NAALADL2: variants seen among roughly 807,000 people sequenced by gnomAD.
NAALADL2 encodes N-acetylated alpha-linked acidic dipeptidase like 2.
NAALADL2 carries 76 observed loss-of-function variants against 87.2 expected under a neutral mutation model. The observed-to-expected ratio is 0.87, with a 90% confidence interval of 0.72 to 1.05. The LOEUF (loss-of-function observed/expected upper bound fraction) is 1.05. Ranked by LOEUF, NAALADL2 falls within the 50% of genes least tolerant of loss-of-function variation. The pLI, the probability that NAALADL2 is intolerant of heterozygous loss-of-function variation, is 0.00. For missense variants in NAALADL2, 1,089 were observed against 945.8 expected (o/e 1.15, Z -1.99); for synonymous variants, 354 against 331.0 (o/e 1.07, Z -0.75).
At chr3:174,587,256 C>A (rs1285408875) in intron 2 of NAALADL2, among the ~76,000 whole-genome samples, 2 of 152,046 alleles carry the variant, frequency 1.3e-5, no homozygotes, top group African/African-American at 2.4e-5. Flanking sequence ...GGGTTGGTTC[C>A]AAGTCTTTGC....
chr3:174,794,856 G>A (rs1471790002), intron 3 of NAALADL2, among the ~76,000 whole-genome samples: 1 of 151,552 alleles, frequency 6.6e-6, no homozygotes, highest in African/African-American at 2.4e-5. Flanking sequence ...AAAAAATCAT[G>A]ATCTATAGAA....
chr3:175,499,378 G>GT (rs1307469673), intron 9 of NAALADL2, among the ~76,000 whole-genome samples: 2 of 151,980 alleles, frequency 1.3e-5, no homozygotes, highest in African/African-American at 4.8e-5. Context: ...CAAGTCTAGC[G>GT]TAAGAGTCTC....
intron 10 of NAALADL2, among the ~76,000 whole-genome samples, chr3:175,615,683 C>T (rs1254103296): frequency 6.6e-6 from 1 of 151,702 alleles, no homozygotes; most frequent in East Asian, 1.9e-4. Flanking sequence ...CATGGTGAAG[C>T]CTCGTCTCTA....
intron 9 of NAALADL2, among the ~76,000 whole-genome samples, chr3:175,562,972 A>ATG (rs975959285): frequency 8.2e-5 from 9 of 109,952 alleles, no homozygotes; most frequent in Admixed American, 3.1e-4. Context: ...GTGTGTGTGT[A>ATG]TGTGTGTGTG....
intron 1 of NAALADL2, among the ~76,000 whole-genome samples, chr3:175,095,912 T>C (rs1186169225): frequency 6.6e-6 from 1 of 152,098 alleles, no homozygotes. Flanking sequence ...TTAAGACCAC[T>C]TGCAGTTAAT....
chr3:174,825,673 C>A (rs995654493), intron 3 of NAALADL2, among the ~76,000 whole-genome samples: 2 of 152,176 alleles, frequency 1.3e-5, no homozygotes, highest in African/African-American at 4.8e-5. Flanking sequence ...CTTCCCTATT[C>A]CTTAAACATT....
intron 11 of NAALADL2, among the ~76,000 whole-genome samples, chr3:175,647,697 G>C (rs1730203612): frequency 6.6e-6 from 1 of 152,150 alleles, no homozygotes; most frequent in South Asian, 2.1e-4. Context: ...AATGATTTCA[G>C]GTAATGTTTG....
At chr3:175,006,775 C>G (rs1297395517) in intron 1 of NAALADL2, among the ~76,000 whole-genome samples, 1 of 151,518 alleles carries the variant, frequency 6.6e-6, no homozygotes, top group African/African-American at 2.4e-5. Context: ...TGAAAAGTTC[C>G]TTTGTCAAAT....
At chr3:175,362,531 CTT>C (rs1458817030) in intron 5 of NAALADL2, among the ~76,000 whole-genome samples, 3 of 148,026 alleles carry the variant, frequency 2.0e-5, no homozygotes, top group Non-Finnish European at 3.0e-5. Context: ...TTTGTATCCT[CTT>C]TTATTTCGTT....
Position 174,846,818 on chromosome 3 carries a change from G to A in NAALADL2, c.-9+109072G>A, listed in dbSNP as rs148259730. Among the ~76,000 whole-genome samples the A allele has an allele frequency of 1.2e-4, 18 of 152,178 alleles. No individual in the cohort carries two copies. In the East Asian group the frequency reaches 3.5e-3, roughly 29 times the overall value. On this transcript the variant is annotated intron_variant, in intron 3 of 3. Transcript: ENST00000434257. ...TGGGCAGGCTGTGGGGCCATTGAAC[G>A]TATGTGAGCATGGAACTGGCATGAT...
chr3:175,384,748 TG>T (rs1193956554), intron 5 of NAALADL2, among the ~76,000 whole-genome samples: 2 of 151,284 alleles, frequency 1.3e-5, no homozygotes, highest in South Asian at 2.1e-4. Context: ...TACCAATTTT[TG>T]TTTTATTTAT....
intron 3 of NAALADL2, among the ~76,000 whole-genome samples, chr3:174,766,837 T>A (rs1713862267): frequency 6.6e-6 from 1 of 152,162 alleles, no homozygotes; most frequent in Non-Finnish European, 1.5e-5. Context: ...TACATTCTAG[T>A]AGGGGTTAGA....
chr3:175,737,459 A>T, intron 12 of NAALADL2, 60 bp downstream of exon 12: 5 of 1,002,168 alleles, frequency 5.0e-6, no homozygotes, highest in Non-Finnish European at 7.9e-6. Flanking sequence ...CTAATTTTCA[A>T]CAAGGAATGG....
rs191908564 is a variant in NAALADL2 at position 175,408,074 on chromosome 3, C to T, written c.1091-39155C>T. On this transcript the variant is annotated intron_variant, in intron 5 of 13. Coordinates refer to ENST00000454872, the MANE Select transcript of NAALADL2 (RefSeq NM_207015.3). ...AGTTCATTATGGAATCTTAAAAAGT[C>T]GATCTCATAGAAACAGAGTAAGAAG... is the stretch of plus-strand genomic sequence containing the variant. Among the ~76,000 whole-genome samples, 43 of 152,052 alleles carry T rather than the reference C, an allele frequency of 2.8e-4. No homozygotes were observed. In the East Asian group the frequency reaches 4.4e-3, roughly 16 times the overall value.
chr3:175,471,589 A>G, intron 8 of NAALADL2, 50 bp from the exon 9 acceptor site: 1 of 1,028,792 alleles, frequency 9.7e-7, no homozygotes, highest in Non-Finnish European at 1.5e-6. Flanking sequence ...AATAAAGTAG[A>G]ATCTATTTAT....
chr3:175,337,071 T>C (rs572712578), intron 5 of NAALADL2, among the ~76,000 whole-genome samples: 103 of 150,276 alleles, frequency 6.9e-4, no homozygotes, highest in African/African-American at 2.4e-3. Context: ...CCATGGTATC[T>C]CTTTGAAAGT....
At chr3:174,454,734 A>G (rs554633879) in intron 1 of NAALADL2, among the ~76,000 whole-genome samples, 5 of 152,252 alleles carry the variant, frequency 3.3e-5, no homozygotes, top group African/African-American at 1.2e-4. Context: ...AGTTAAAGCA[A>G]TGTTAAGAGG....
chr3:174,540,768 T>C (rs1366449466), intron 1 of NAALADL2: 1 of 152,214 alleles, frequency 6.6e-6, no homozygotes, highest in East Asian at 1.9e-4. Context: ...GCAGTTGATT[T>C]GCATTAGGAC....
chr3:175,466,909 G>A, intron 7 of NAALADL2, 70 bp from the exon 8 acceptor site: 1 of 1,261,904 alleles, frequency 7.9e-7, no homozygotes. Flanking sequence ...ATAGAATTAT[G>A]TAAATGTCAT....
Sources: allele counts gnomAD v4.1 joint callset (sites outside exome capture counted in the v4.1 genomes callset), GRCh38; gene constraint gnomAD v4.1.1; transcripts MANE v1.5; gene names NCBI Gene and HGNC (gene_info 2026-07-23, HGNC 2026-07-21).